UBE3C: variants seen among roughly 807,000 people sequenced by gnomAD.
The protein encoded by UBE3C is ubiquitin protein ligase E3C, also known as ubiquitin-protein ligase E3C.
A neutral mutation model predicts 129.4 loss-of-function variants in UBE3C; 42 were observed. The ratio of observed to expected loss-of-function variants is 0.32; its 90% CI spans 0.25 to 0.42. The LOEUF (loss-of-function observed/expected upper bound fraction) is 0.42, where lower values mean the gene tolerates loss of function less well. UBE3C is among the 10% of genes least tolerant of loss of function. The pLI is 1.00. For synonymous variants in UBE3C, 510 were observed against 492.4 expected, an observed-to-expected ratio of 1.04 and a Z score of -0.47; for missense variants, 1,049 against 1,319.1, an observed-to-expected ratio of 0.80 and a Z score of 3.17.
rs115321205 is a variant in UBE3C, at chr7:157,247,736, T to C, written c.2482-632T>C. Among the ~76,000 whole-genome samples the C allele has an allele frequency of 8.3e-3, 1,262 of 151,828 alleles. 13 individuals are homozygous for C. The highest frequency in any genetic ancestry group is 0.02 in the African/African-American group (819 of 41,392). On this transcript the variant is annotated intron_variant, in intron 18 of 22. Coordinates refer to ENST00000348165, the MANE Select transcript of UBE3C (RefSeq NM_014671.3). ...AGTAATATTTCTTGACATGTGAAAATCACATGAAACCCAAATTTGGAACAT... is the reference window on the plus strand; with the variant it reads ...AGTAATATTTCTTGACATGTGAAAACCACATGAAACCCAAATTTGGAACAT...
intron 18 of UBE3C, among the ~76,000 whole-genome samples, chr7:157,235,234 C>T (rs532224041): frequency 8.9e-4 from 135 of 151,966 alleles, no homozygotes; most frequent in Non-Finnish European, 1.0e-3. Flanking sequence ...CAATGAAATC[C>T]CTTAGTTCTT....
intron 18 of UBE3C, among the ~76,000 whole-genome samples, chr7:157,245,698 G>T (rs909317511): frequency 6.6e-6 from 1 of 152,168 alleles, no homozygotes; most frequent in Non-Finnish European, 1.5e-5. Context: ...GAGGCCAGCC[G>T]CAGTCTTCCT....
intron 1 of UBE3C, among the ~76,000 whole-genome samples, chr7:157,154,077 TGGGA>T (rs10598082): frequency 0.47 from 71,598 of 151,134 alleles, 19,520 homozygotes; most frequent in African/African-American, 0.77. Context: ...CCCAGCACCT[TGGGA>T]GGGAGGCCGA....
At chr7:157,267,472 A>T (rs1797110804) in intron 22 of UBE3C, 113 bp from the exon 23 acceptor site, 4 of 1,272,664 alleles carry the variant, frequency 3.1e-6, no homozygotes, top group Non-Finnish European at 4.4e-6. Flanking sequence ...GGAAAATGTG[A>T]CTGCAATGGT....
intron 1 of UBE3C, among the ~76,000 whole-genome samples, chr7:157,160,268 T>G (rs531013401): frequency 6.6e-6 from 1 of 152,106 alleles, no homozygotes; most frequent in Non-Finnish European, 1.5e-5. Context: ...AGAGACGGGG[T>G]TCCACCATGT....
At chr7:157,255,192 T>G (rs1434568219) in intron 21 of UBE3C, among the ~76,000 whole-genome samples, 1 of 152,004 alleles carries the variant, frequency 6.6e-6, no homozygotes, top group Non-Finnish European at 1.5e-5. Flanking sequence ...AGAAGATAGA[T>G]AAATGGCCAG....
At chr7:157,177,509 CTT>C (rs1439436718) in intron 5 of UBE3C, among the ~76,000 whole-genome samples, 2 of 152,252 alleles carry the variant, frequency 1.3e-5, no homozygotes, top group Non-Finnish European at 1.5e-5. Context: ...ATGCTGCTGA[CTT>C]TTCCAGGTTG....
At chr7:157,262,862 C>G (rs1796957005) in intron 22 of UBE3C, among the ~76,000 whole-genome samples, 1 of 152,184 alleles carries the variant, frequency 6.6e-6, no homozygotes, top group Non-Finnish European at 1.5e-5. Context: ...TTTGTGACAG[C>G]TTCAGTGCTT....
intron 15 of UBE3C, chr7:157,221,934 A>G (rs1489847134): frequency 1.3e-5 from 2 of 152,164 alleles, no homozygotes; most frequent in East Asian, 1.9e-4. Flanking sequence ...CAGAGGCGCA[A>G]TCACGGCTCA....
At chr7:157,211,433 A>G (rs566615012) in intron 13 of UBE3C, among the ~76,000 whole-genome samples, 181 of 152,244 alleles carry the variant, frequency 1.2e-3, no homozygotes, top group African/African-American at 4.2e-3. Context: ...ACTAAAGTGG[A>G]TGCTATATGC....
At chr7:157,222,082 G>T (rs1337971784) in intron 15 of UBE3C, 1 of 152,182 alleles carries the variant, frequency 6.6e-6, no homozygotes, top group Non-Finnish European at 1.5e-5. Flanking sequence ...TGTTGCCCAG[G>T]CTGGCCTTTA....
At position 157,227,447 on chromosome 7, in the gene UBE3C, C is replaced by T. The variant is rs529909688; in HGVS notation, c.2233+1908C>T. ...GGCGCAGTGGCTCACGCCTGTAATC[C>T]CAGCACTTTGGGAGGCTGAGGCAGG... is the stretch of plus-strand genomic sequence containing the variant. On this transcript the variant is annotated intron_variant, in intron 17 of 22. Coordinates refer to ENST00000348165, the MANE Select transcript of UBE3C (RefSeq NM_014671.3). 3.3e-5 allele frequency among the ~76,000 whole-genome samples: 5 copies of T among 152,122 alleles called. No homozygotes were observed. In the South Asian group the frequency reaches 1.0e-3, roughly 32 times the overall value.
At chr7:157,196,530 A>G (rs1003824572) in intron 10 of UBE3C, among the ~76,000 whole-genome samples, 4 of 152,260 alleles carry the variant, frequency 2.6e-5, no homozygotes, top group African/African-American at 9.6e-5. Context: ...GGTTGAGCAC[A>G]TAGAAGAGTG....
At chr7:157,161,392 G>A (rs1051206167) in intron 1 of UBE3C, among the ~76,000 whole-genome samples, 1 of 151,622 alleles carries the variant, frequency 6.6e-6, no homozygotes. Context: ...ATGTGATGAA[G>A]GTTTTTTATG....
chr7:157,160,740 CTAATTTTA>C (rs1808047335), intron 1 of UBE3C, among the ~76,000 whole-genome samples: 1 of 152,138 alleles, frequency 6.6e-6, no homozygotes, highest in African/African-American at 2.4e-5. Flanking sequence ...CTTTTGCCCA[CTAATTTTA>C]GCATACATTA....
At position 157,181,530 on chromosome 7, in the gene UBE3C, C is replaced by G. The variant is rs770714562; in HGVS notation, c.629C>G (p.Ser210Cys). 1.0e-5 allele frequency: 16 copies of G among 1,605,418 alleles called. No individual in the cohort carries two copies. Among genetic ancestry groups the G allele is most frequent in the African/African-American group, 1.3e-5 (1 of 74,350 alleles). ...HYMIHNGYYR[S>C]LYLLINSKLP... ...TTTTTCCTTTTAGGGTATTATAGGT[C>G]TCTATATTTGTTGATTAACAGCAAG... The change falls in exon 7 of 23, where the codon TCT becomes TGT. Residue 210 changes from serine (S) to cysteine (C), a missense_variant. Ser to Cys is a moderately radical substitution (Grantham distance 112). Around this residue, in one of 4 missense-constraint regions of UBE3C, gnomAD observed 489 missense variants for 513.8 expected, o/e 0.95. Coordinates refer to ENST00000348165, the MANE Select transcript of UBE3C (RefSeq NM_014671.3).
At chr7:157,214,090 C>T (rs971188598) in intron 13 of UBE3C, among the ~76,000 whole-genome samples, 1 of 152,004 alleles carries the variant, frequency 6.6e-6, no homozygotes, top group African/African-American at 2.4e-5. Flanking sequence ...TTCTCCTTTC[C>T]TCCTCCTTTC....
intron 10 of UBE3C, among the ~76,000 whole-genome samples, chr7:157,195,387 CAT>C (rs1809089555): frequency 1.3e-5 from 2 of 152,168 alleles, no homozygotes; most frequent in Admixed American, 6.5e-5. Context: ...CAGCTGCAAA[CAT>C]GTGCTACCTT....
intron 18 of UBE3C, among the ~76,000 whole-genome samples, chr7:157,244,574 A>G (rs1397222149): frequency 6.6e-6 from 1 of 152,188 alleles, no homozygotes; most frequent in Non-Finnish European, 1.5e-5. Flanking sequence ...ATTGATAGAG[A>G]TGCATTTGAA....
Sources: gnomAD v4.1 joint callset for allele counts (sites outside exome capture counted in the v4.1 genomes callset) on GRCh38, gnomAD v4.1.1 for gene constraint, gnomAD v4.1.1 regional missense constraint, MANE v1.5 for transcripts, NCBI Gene and HGNC (gene_info 2026-07-23, HGNC 2026-07-21) for gene names.